The following NDUFS4 variants were observed in gnomAD, a reference collection of about 807,000 sequenced individuals.
NDUFS4 encodes the protein NADH dehydrogenase [ubiquinone] iron-sulfur protein 4, mitochondrial.
Under a neutral mutation model 24.3 loss-of-function variants are expected in NDUFS4, and 28 were observed. The ratio of observed to expected loss-of-function variants is 1.15; its 90% CI spans 0.85 to 1.58. The LOEUF is 1.58. Ranked by LOEUF, NDUFS4 falls within the 40% of genes most tolerant of loss-of-function variation. NDUFS4 has a pLI of 0.00. For missense variants in NDUFS4, 223 were observed against 207.9 expected (o/e 1.07, Z -0.45); for synonymous variants, 93 against 69.7 (o/e 1.34, Z -1.67).
chr5:53,574,657 T>C (rs1394509754), intron 1 of NDUFS4, among the ~76,000 whole-genome samples: 1 of 152,232 alleles, frequency 6.6e-6, no homozygotes, highest in African/African-American at 2.4e-5. Context: ...AGATATGTTG[T>C]ATTTTCATTT....
chr5:53,637,171 T>G (rs1317024869), intron 2 of NDUFS4, among the ~76,000 whole-genome samples: 2 of 151,812 alleles, frequency 1.3e-5, no homozygotes, highest in East Asian at 3.9e-4. Flanking sequence ...CATAAGACTT[T>G]GCATTCGTAG....
At chr5:53,579,921 A>G (rs1480510173) in intron 1 of NDUFS4, among the ~76,000 whole-genome samples, 1 of 152,226 alleles carries the variant, frequency 6.6e-6, no homozygotes, top group African/African-American at 2.4e-5. Flanking sequence ...TCTAAAAGCT[A>G]GAAGAAACAA....
chr5:53,610,642 A>C (rs1288115460), intron 2 of NDUFS4, among the ~76,000 whole-genome samples: 1 of 152,190 alleles, frequency 6.6e-6, no homozygotes, highest in Non-Finnish European at 1.5e-5. Flanking sequence ...AAAACCTTGG[A>C]GTCCCAGTAG....
intron 4 of NDUFS4, among the ~76,000 whole-genome samples, chr5:53,665,142 G>A (rs1286807690): frequency 1.3e-5 from 2 of 152,144 alleles, no homozygotes; most frequent in African/African-American, 4.8e-5. Context: ...GCAGAACCGC[G>A]GATATTGGTG....
intron 1 of NDUFS4, among the ~76,000 whole-genome samples, chr5:53,601,003 A>ATTTT (rs3084744): frequency 7.7e-6 from 1 of 130,702 alleles, no homozygotes; most frequent in Admixed American, 8.0e-5. Flanking sequence ...TTTATAATAA[A>ATTTT]TTTTTTTTTT....
intron 1 of NDUFS4, among the ~76,000 whole-genome samples, chr5:53,566,849 A>T (rs918604791): frequency 5.1e-5 from 7 of 136,694 alleles, no homozygotes; most frequent in African/African-American, 1.6e-4. Context: ...ACCGCCAAGT[A>T]TTTTTTTTTT....
chr5:53,607,056 T>A (rs2112461721), intron 2 of NDUFS4, among the ~76,000 whole-genome samples: 1 of 152,340 alleles, frequency 6.6e-6, no homozygotes, highest in African/African-American at 2.4e-5. Flanking sequence ...TGCAGTTGAT[T>A]TAATCCACAA....
intron 4 of NDUFS4, among the ~76,000 whole-genome samples, chr5:53,669,653 C>T (rs1273540849): frequency 1.3e-5 from 2 of 152,078 alleles, no homozygotes; most frequent in Non-Finnish European, 2.9e-5. Context: ...TGAACACACC[C>T]TATTGTATGT....
chr5:53,588,333 G>A (rs1388826959), intron 1 of NDUFS4, among the ~76,000 whole-genome samples: 1 of 152,086 alleles, frequency 6.6e-6, no homozygotes, highest in African/African-American at 2.4e-5. Context: ...TGTGACTAGA[G>A]GGAAAGAAGT....
Position 53,642,129 on chromosome 5 carries a change from T to G in NDUFS4, c.178-4104T>G, listed in dbSNP as rs545951787. On this transcript the variant is annotated intron_variant, in intron 2 of 4. Coordinates refer to ENST00000296684, the MANE Select transcript of NDUFS4 (RefSeq NM_002495.4). Reference sequence around the variant, plus strand: ...TACATTTATTTCTCTTCATGACAAGTGTAAACTGTTAAGGTTAAGTGGGTG... The same window carrying G: ...TACATTTATTTCTCTTCATGACAAGGGTAAACTGTTAAGGTTAAGTGGGTG... Among the ~76,000 whole-genome samples the G allele has an allele frequency of 5.7e-4, 87 of 152,238 alleles. 1 individual carries two copies. In the South Asian group the frequency reaches 0.017, roughly 30 times the overall value.
intron 1 of NDUFS4, among the ~76,000 whole-genome samples, chr5:53,591,595 A>G (rs1264622848): frequency 6.6e-6 from 1 of 151,970 alleles, no homozygotes; most frequent in African/African-American, 2.4e-5. Context: ...GTAAATACCT[A>G]GGAGCACAGT....
chr5:53,613,739 A>G (rs184371979), intron 2 of NDUFS4, among the ~76,000 whole-genome samples: 54 of 151,226 alleles, frequency 3.6e-4, no homozygotes, highest in Admixed American at 1.6e-3. Flanking sequence ...AGCAGTAATG[A>G]CTAGTGATTT....
intron 1 of NDUFS4, among the ~76,000 whole-genome samples, chr5:53,586,823 T>C (rs751499225): frequency 1.1e-4 from 16 of 151,894 alleles, no homozygotes; most frequent in Non-Finnish European, 2.1e-4. Context: ...GTGCCCAGCC[T>C]GTTTCTTCCT....
chr5:53,608,523 G>A (rs1474636951), intron 2 of NDUFS4, among the ~76,000 whole-genome samples: 1 of 152,170 alleles, frequency 6.6e-6, no homozygotes, highest in East Asian at 1.9e-4. Flanking sequence ...CTAAGTTTAT[G>A]GAATAATCTA....
At chr5:53,675,282 C>G (rs995589992) in intron 4 of NDUFS4, among the ~76,000 whole-genome samples, 1 of 151,284 alleles carries the variant, frequency 6.6e-6, no homozygotes. Flanking sequence ...CCAGCCTCAG[C>G]CTCCCGAGGA....
At chr5:53,621,275 GT>G (rs550512085) in intron 2 of NDUFS4, among the ~76,000 whole-genome samples, 40 of 152,060 alleles carry the variant, frequency 2.6e-4, no homozygotes, top group African/African-American at 9.6e-4. Flanking sequence ...CTTATTCTTA[GT>G]TTTGTATGGT....
chr5:53,638,556 G>C (rs1291045663), intron 2 of NDUFS4, among the ~76,000 whole-genome samples: 1 of 152,156 alleles, frequency 6.6e-6, no homozygotes, highest in African/African-American at 2.4e-5. Context: ...TGAGGTAGGA[G>C]GGTGGGAGAA....
At chr5:53,651,737 G>A (rs947434598) in intron 3 of NDUFS4, among the ~76,000 whole-genome samples, 9 of 150,134 alleles carry the variant, frequency 6.0e-5, no homozygotes, top group African/African-American at 1.7e-4. Context: ...AAGCCACAAG[G>A]TTTCCTAATT....
chr5:53,665,275 A>G (rs1393674754), intron 4 of NDUFS4, among the ~76,000 whole-genome samples: 1 of 152,210 alleles, frequency 6.6e-6, no homozygotes, highest in East Asian at 1.9e-4. Context: ...CTCAGGGGTC[A>G]GGGACCCACT....
Sources: gnomAD v4.1 joint callset for allele counts (sites outside exome capture counted in the v4.1 genomes callset) on GRCh38, gnomAD v4.1.1 for gene constraint, MANE v1.5 for transcripts, NCBI Gene and HGNC (gene_info 2026-07-23, HGNC 2026-07-21) for gene names.